The following BSDC1 variants were observed in gnomAD, a reference collection of about 807,000 sequenced individuals.
The protein encoded by BSDC1 is BSD domain containing 1, also known as BSD domain-containing protein 1.
Under a neutral mutation model 56.0 loss-of-function variants are expected in BSDC1, and 29 were observed. The observed-to-expected ratio is 0.52, with a 90% confidence interval of 0.39 to 0.71. The LOEUF is 0.71. Ranked by LOEUF, BSDC1 falls within the 30% of genes least tolerant of loss-of-function variation. The pLI, the probability that BSDC1 is intolerant of heterozygous loss-of-function variation, is 0.00. For missense variants in BSDC1, 477 were observed against 548.5 expected, an observed-to-expected ratio of 0.87 and a Z score of 1.30; for synonymous variants, 210 against 215.3, an observed-to-expected ratio of 0.98 and a Z score of 0.21.
intron 3 of BSDC1, among the ~76,000 whole-genome samples, chr1:32,384,353 T>C (rs1195501899): frequency 1.3e-5 from 2 of 152,220 alleles, no homozygotes; most frequent in Non-Finnish European, 2.9e-5. Flanking sequence ...GAAAGGGTAC[T>C]AGCTTCGGAG....
Position 32,378,087 on chromosome 1 carries a change from C to T in BSDC1, c.598-39G>A. ...AGCAGAAGGCCACAGGCAGTCAGGG[C>T]ACCCTCTTCCTAGACCCTGGTCCTG... is the stretch of plus-strand genomic sequence containing the variant. On this transcript the variant is annotated intron_variant, in intron 7 of 10. Transcript: ENST00000455895. The surrounding 1 kb of genome is among the most constrained non-coding windows in gnomAD (Gnocchi z 5.2). 2 of 1,596,900 alleles carry T rather than the reference C, an allele frequency of 1.3e-6. No individual in the cohort carries two copies. Among genetic ancestry groups the T allele is most frequent in the Non-Finnish European group, 8.5e-7 (1 of 1,169,814 alleles).
At chr1:32,393,716 G>A in intron 2 of BSDC1, 1 of 259,286 alleles carries the variant, frequency 3.9e-6, no homozygotes, top group East Asian at 8.7e-5. Context: ...ATATTTGAAT[G>A]ACTATACGAG....
chr1:32,386,900 G>A lies in BSDC1; in HGVS notation c.73-5C>T. 1.2e-6 allele frequency: 2 copies of A among 1,611,090 alleles called. No homozygotes were observed. The highest frequency in any genetic ancestry group is 1.7e-6 in the Non-Finnish European group (2 of 1,179,098). The stretch of plus-strand genomic sequence containing the variant: ...AAACTCCAAGGCTTCAGAGGACTGT[G>A]GGAAGACAGAGAGGGATGCCAGGGC... On this transcript the variant is annotated splice_region_variant and splice_polypyrimidine_tract_variant and intron_variant, in intron 2 of 10. Coordinates refer to ENST00000455895, the MANE Select transcript of BSDC1 (RefSeq NM_018045.8).
chr1:32,384,835 CAGGTAACA>C (rs1642611720), intron 3 of BSDC1, among the ~76,000 whole-genome samples: 1 of 151,122 alleles, frequency 6.6e-6, no homozygotes, highest in South Asian at 2.1e-4. Context: ...CATATTGTTA[CAGGTAACA>C]ATATTTGTTG....
At chr1:32,384,223 G>A (rs186734559) in intron 3 of BSDC1, among the ~76,000 whole-genome samples, 1 of 151,034 alleles carries the variant, frequency 6.6e-6, no homozygotes, top group East Asian at 2.0e-4. Flanking sequence ...GTAGATCAGA[G>A]ATCTTTGATT....
rs767619454 is a variant in BSDC1 at position 32,383,990 on chromosome 1, C to G, written c.197G>C (p.Gly66Ala). The change falls in exon 4 of 11, where the codon GGC becomes GCC. Residue 66 changes from glycine to alanine, a missense_variant. Physicochemically the swap from Gly to Ala is moderately conservative, Grantham distance 60. Transcript: ENST00000455895. ...SVVKEKLATEGSSGATEKMKK... is the reference protein window; with the variant it reads ...SVVKEKLATEASSGATEKMKK... ...CATCTTCTCTGTTGCTCCTGAGGAG[C>G]CTTCCGTCTGTATAGAGAACGGGCA... 4 of 1,613,180 alleles carry G rather than the reference C, an allele frequency of 2.5e-6. No individual in the cohort carries two copies. Among genetic ancestry groups the G allele is most frequent in the East Asian group, 2.2e-5 (1 of 44,882 alleles).
At chr1:32,374,246 C>T (rs1048234027) in intron 9 of BSDC1, among the ~76,000 whole-genome samples, 2 of 152,184 alleles carry the variant, frequency 1.3e-5, no homozygotes, top group Non-Finnish European at 2.9e-5. Context: ...GAGAATGTTA[C>T]CTCTATTTTC....
chr1:32,376,581 G>A lies in BSDC1; in HGVS notation c.837C>T (p.Ser279=), dbSNP rs1201003855. 3.0e-5 allele frequency: 45 copies of A among 1,515,916 alleles called. No homozygotes were observed. The highest frequency in any genetic ancestry group is 4.0e-5 in the Non-Finnish European group (45 of 1,120,596). The allele number at this position is 1,515,916 out of a possible 1,614,324, so 93.9% of individuals were successfully genotyped here. A position where few individuals can be genotyped will look rare whatever the true frequency, so the allele number is the denominator to read the frequency against. ...GTGTCACGAGGGAGATGCTCTCACT[G>A]CTCTCTGATGGAGTCACCTCTGCTG... ...EPPAEVTPSE[S]SESISLVTQI... The change falls in exon 9 of 11, where the codon AGC becomes AGT. Residue 279 remains serine, a synonymous_variant. Transcript: ENST00000455895.
At chr1:32,391,832 C>T (rs181819309) in intron 2 of BSDC1, among the ~76,000 whole-genome samples, 127 of 152,258 alleles carry the variant, frequency 8.3e-4, no homozygotes, top group Admixed American at 7.8e-3. Context: ...GAAGGAAAAA[C>T]GAACTGGGGG....
intron 2 of BSDC1, among the ~76,000 whole-genome samples, chr1:32,387,818 TAAC>T (rs1174083945): frequency 1.3e-5 from 2 of 152,212 alleles, no homozygotes; most frequent in African/African-American, 4.8e-5. Flanking sequence ...GAGTAATTCT[TAAC>T]AATTTAATAT....
intron 9 of BSDC1, among the ~76,000 whole-genome samples, chr1:32,372,369 C>T (rs1012182454): frequency 6.6e-6 from 1 of 152,230 alleles, no homozygotes; most frequent in African/African-American, 2.4e-5. Context: ...TTGGTTGTGG[C>T]CATGACAGCT....
chr1:32,384,046 A>C (rs1409689581), intron 3 of BSDC1, 49 bp from the exon 4 acceptor site: 9 of 1,611,704 alleles, frequency 5.6e-6, no homozygotes, highest in Non-Finnish European at 7.6e-6. Context: ...AACAGGCTGC[A>C]ATCTGGGGTA....
chr1:32,366,772 T>C, intron 10 of BSDC1, 118 bp from the exon 11 acceptor site: 1 of 1,429,830 alleles, frequency 7.0e-7, no homozygotes, highest in South Asian at 1.6e-5. Context: ...CAGGCCATAC[T>C]CTGAGGTCCC....
intron 3 of BSDC1, among the ~76,000 whole-genome samples, chr1:32,385,671 G>A (rs996983634): frequency 6.6e-6 from 1 of 152,042 alleles, no homozygotes; most frequent in African/African-American, 2.4e-5. Context: ...AGGTTGCAAT[G>A]AGCTGAGATC....
chr1:32,382,697 CAAAAA>C (rs74997036), intron 4 of BSDC1, among the ~76,000 whole-genome samples: 1 of 84,392 alleles, frequency 1.2e-5, no homozygotes, highest in Admixed American at 1.3e-4. Flanking sequence ...CTCATCGCTA[CAAAAA>C]AAAAAAAAAA....
chr1:32,389,335 G>T lies in BSDC1; in HGVS notation c.73-2440C>A, dbSNP rs552550723. On this transcript the variant is annotated intron_variant, in intron 2 of 10. Coordinates refer to ENST00000455895, the MANE Select transcript of BSDC1 (RefSeq NM_018045.8). ...GTCCTATGTGTTTTGTTCCCTGATG[G>T]TTCCCCAGTATCTGACACAGAGCAT... Among the ~76,000 whole-genome samples, 3 of 152,220 alleles carry T rather than the reference G, an allele frequency of 2.0e-5. No individual in the cohort carries two copies. The South Asian group carries it at 6.2e-4, about 32-fold the overall frequency.
At chr1:32,379,285 T>C (rs915889794) in intron 5 of BSDC1, among the ~76,000 whole-genome samples, 1 of 152,188 alleles carries the variant, frequency 6.6e-6, no homozygotes, top group African/African-American at 2.4e-5. Context: ...CATCTGAGTC[T>C]CTGTGGGCTT....
At chr1:32,384,301 T>C (rs529202451) in intron 3 of BSDC1, among the ~76,000 whole-genome samples, 9 of 152,212 alleles carry the variant, frequency 5.9e-5, no homozygotes, top group East Asian at 1.9e-4. Flanking sequence ...GTCCATGCCA[T>C]AGACACATCA....
At position 32,376,719 on chromosome 1, in the gene BSDC1, G is replaced by A. The variant is rs1642301512; in HGVS notation, c.699C>T (p.Pro233=). 1 of 1,415,274 alleles carries A rather than the reference G, an allele frequency of 7.1e-7. No homozygotes were observed. Among genetic ancestry groups the A allele is most frequent in the Admixed American group, 2.4e-5 (1 of 41,326 alleles). 87.7% of individuals were successfully genotyped at this position (1,415,274 alleles called of 1,614,324 possible). A position where few individuals can be genotyped will look rare whatever the true frequency, so the allele number is the denominator to read the frequency against. Residue 233 remains proline, a synonymous_variant, in exon 9 of 11, where the codon CCC becomes CCT. Transcript: ENST00000455895. ...GAACCTTTGCCTCTTTTGGAGATAT[G>A]GGTGAAATGCCCATGAGCTCCTCTG... ...EEEEELMGIS[P]ISPKEAKVPV...
Sources: allele counts gnomAD v4.1 joint callset (sites outside exome capture counted in the v4.1 genomes callset), GRCh38; gene constraint gnomAD v4.1.1; non-coding constraint Gnocchi (gnomAD v3.1); transcripts MANE v1.5; gene names NCBI Gene and HGNC (gene_info 2026-07-23, HGNC 2026-07-21).